Variants in SNX6 observed in about 807,000 individuals in gnomAD.
SNX6 encodes sorting nexin-6.
In SNX6, 34 loss-of-function variants were observed where a neutral mutation model predicts 63.0. That is an observed-to-expected ratio of 0.54 (90% CI 0.41 to 0.72). The LOEUF is 0.72. Ranked by LOEUF, SNX6 falls within the 30% of genes least tolerant of loss-of-function variation. The pLI, the probability that SNX6 is intolerant of heterozygous loss-of-function variation, is 0.00. For synonymous variants in SNX6, 170 were observed against 164.2 expected, an observed-to-expected ratio of 1.04 and a Z score of -0.27; for missense variants, 398 against 471.4, an observed-to-expected ratio of 0.84 and a Z score of 1.44.
chr14:34,603,205 G>A (rs1191715815), intron 6 of SNX6, 143 bp downstream of exon 6: 1 of 645,738 alleles, frequency 1.5e-6, no homozygotes, highest in Non-Finnish European at 2.4e-6. Flanking sequence ...ATGAACCCGG[G>A]AGGCGGAGCT....
intron 2 of SNX6, among the ~76,000 whole-genome samples, chr14:34,616,932 A>AAT (rs1348367425): frequency 6.6e-6 from 1 of 152,010 alleles, no homozygotes; most frequent in African/African-American, 2.4e-5. Context: ...AGAAAAAAAA[A>AAT]ATTAGCTGGG....
intron 8 of SNX6, among the ~76,000 whole-genome samples, chr14:34,591,240 A>AC (rs35304945): frequency 2.0e-5 from 3 of 150,324 alleles, no homozygotes; most frequent in African/African-American, 7.3e-5. Context: ...TAAAAAAAAA[A>AC]CCCTCACTGG....
chr14:34,628,496 G>A (rs1883914517), intron 2 of SNX6, among the ~76,000 whole-genome samples: 1 of 152,068 alleles, frequency 6.6e-6, no homozygotes, highest in East Asian at 1.9e-4. Flanking sequence ...AGGCATGGTG[G>A]CCCGTGCCAG....
intron 2 of SNX6, among the ~76,000 whole-genome samples, chr14:34,611,185 G>A (rs1038032445): frequency 6.6e-6 from 1 of 151,924 alleles, no homozygotes; most frequent in Non-Finnish European, 1.5e-5. Flanking sequence ...TAGAGAAGGG[G>A]TTTTGCCATG....
At chr14:34,605,834 C>T (rs1882995192) in intron 4 of SNX6, 117 bp from the exon 5 acceptor site, 10 of 1,212,520 alleles carry the variant, frequency 8.2e-6, no homozygotes, top group Non-Finnish European at 1.1e-5. Context: ...ATGAGCTGAA[C>T]ACCAGGAACA....
chr14:34,587,202 T>C (rs1882200605), intron 8 of SNX6, among the ~76,000 whole-genome samples: 1 of 151,950 alleles, frequency 6.6e-6, no homozygotes, highest in Non-Finnish European at 1.5e-5. Context: ...TGTGTTTCTA[T>C]GTATTAGCAA....
chr14:34,598,089 T>A (rs1882670862), intron 6 of SNX6, among the ~76,000 whole-genome samples: 1 of 152,176 alleles, frequency 6.6e-6, no homozygotes, highest in African/African-American at 2.4e-5. Flanking sequence ...ATCCTATACA[T>A]TTGGAACTCT....
chr14:34,599,451 A>G (rs1440232518), intron 6 of SNX6, among the ~76,000 whole-genome samples: 1 of 152,102 alleles, frequency 6.6e-6, no homozygotes. Context: ...TACTAAAAAT[A>G]CTAAAACTAG....
chr14:34,599,376 C>T (rs1211883319), intron 6 of SNX6, among the ~76,000 whole-genome samples: 1 of 152,082 alleles, frequency 6.6e-6, no homozygotes, highest in Non-Finnish European at 1.5e-5. Flanking sequence ...GAGGCCAAGG[C>T]GGGTGAATCA....
chr14:34,592,753 G>C (rs555277325), intron 8 of SNX6, among the ~76,000 whole-genome samples: 1 of 152,206 alleles, frequency 6.6e-6, no homozygotes, highest in East Asian at 1.9e-4. Context: ...TATCAGGCTG[G>C]TGCAATACAA....
At chr14:34,580,348 G>C (rs184087996) in intron 10 of SNX6, among the ~76,000 whole-genome samples, 56 of 152,268 alleles carry the variant, frequency 3.7e-4, no homozygotes, top group African/African-American at 1.0e-3. Context: ...TGTCACCCAG[G>C]CTGGAGTACA....
At chr14:34,564,109 C>T (rs1238020864) in intron 13 of SNX6, among the ~76,000 whole-genome samples, 1 of 152,122 alleles carries the variant, frequency 6.6e-6, no homozygotes, top group Non-Finnish European at 1.5e-5. Context: ...CTCAGTGCAA[C>T]CTCTGCCTCC....
intron 2 of SNX6, among the ~76,000 whole-genome samples, chr14:34,617,083 T>C (rs1883444392): frequency 6.6e-6 from 1 of 151,842 alleles, no homozygotes; most frequent in Non-Finnish European, 1.5e-5. Flanking sequence ...CTGTCTCGGG[T>C]TAAAAAAATT....
At chr14:34,563,270 T>C in intron 13 of SNX6, 95 bp from the exon 14 acceptor site, 5 of 1,272,190 alleles carry the variant, frequency 3.9e-6, no homozygotes, top group East Asian at 2.5e-5. Context: ...TAAAATATAG[T>C]GTTAGAAGCC....
chr14:34,587,008 C>CAAAAAAA (rs71121211), intron 8 of SNX6, among the ~76,000 whole-genome samples: 8 of 50,126 alleles, frequency 1.6e-4, no homozygotes, highest in East Asian at 7.2e-4. Flanking sequence ...GACTCTGTCT[C>CAAAAAAA]AAAAAAAAAA....
At chr14:34,615,429 T>C (rs1883382432) in intron 2 of SNX6, among the ~76,000 whole-genome samples, 1 of 152,208 alleles carries the variant, frequency 6.6e-6, no homozygotes, top group Non-Finnish European at 1.5e-5. Flanking sequence ...CCTATGTTGC[T>C]CAGGCTGTTC....
intron 8 of SNX6, 32 bp from the exon 9 acceptor site, chr14:34,586,337 C>A: frequency 7.3e-7 from 1 of 1,373,426 alleles, no homozygotes; most frequent in Middle Eastern, 1.8e-4. Flanking sequence ...TTTAGTATAC[C>A]TATTCATAGA....
intron 8 of SNX6, among the ~76,000 whole-genome samples, chr14:34,586,865 C>T (rs1014367344): frequency 6.0e-5 from 9 of 150,906 alleles, no homozygotes; most frequent in Admixed American, 1.3e-4. Context: ...AAATATTAGC[C>T]GGGCATGGTA....
intron 2 of SNX6, among the ~76,000 whole-genome samples, chr14:34,628,663 AG>A (rs1282661208): frequency 5.9e-5 from 9 of 152,204 alleles, no homozygotes; most frequent in African/African-American, 2.2e-4. Flanking sequence ...GTTTTATAAA[AG>A]TCATCAGTTC....
Sources: allele counts gnomAD v4.1 joint callset (sites outside exome capture counted in the v4.1 genomes callset), GRCh38; gene constraint gnomAD v4.1.1; transcripts MANE v1.5; gene names NCBI Gene and HGNC (gene_info 2026-07-23, HGNC 2026-07-21).